RBFOX1: variants seen among roughly 807,000 people sequenced by gnomAD.
The protein encoded by RBFOX1 is RNA binding fox-1 homolog 1.
RBFOX1 carries 8 observed loss-of-function variants against 57.7 expected under a neutral mutation model. The observed-to-expected ratio is 0.14, with a 90% CI of 0.08 to 0.25. RBFOX1 has a LOEUF of 0.25. RBFOX1 is among the 10% of genes least tolerant of loss of function. The pLI is 1.00. For missense variants in RBFOX1, 611 were observed against 548.5 expected (o/e 1.11, Z -1.14); for synonymous variants, 326 against 222.4 (o/e 1.47, Z -4.15).
chr16:6,413,547 C>A lies in RBFOX1; in HGVS notation c.-64+96490C>A, dbSNP rs1019917812. Among the ~76,000 whole-genome samples, 6 of 152,086 alleles carry A rather than the reference C, an allele frequency of 3.9e-5. No individual in the cohort carries two copies. In the East Asian group the frequency reaches 1.2e-3, roughly 29 times the overall value. ...GCAAATGACTGTTTGCCATATGAAA[C>A]CTGTGCTTTTGAAATGAGGGTTTTT... On this transcript the variant is annotated intron_variant, in intron 2 of 15. Coordinates refer to ENST00000550418, the MANE Select transcript of RBFOX1 (RefSeq NM_018723.4).
intron 4 of RBFOX1, among the ~76,000 whole-genome samples, chr16:6,006,314 A>G (rs1596388336): frequency 6.6e-6 from 1 of 151,676 alleles, no homozygotes; most frequent in South Asian, 2.1e-4. Flanking sequence ...AGCCCCGGGT[A>G]TGTGATCCCA....
chr16:7,313,149 C>T (rs17143433), intron 4 of RBFOX1, among the ~76,000 whole-genome samples: 119,679 of 152,108 alleles, frequency 0.79, 47,202 homozygotes, highest in East Asian at 0.94. Context: ...AACACAAAAG[C>T]GCCTCCTGAA....
intron 3 of RBFOX1, among the ~76,000 whole-genome samples, chr16:6,673,260 A>G (rs1454584411): frequency 6.6e-6 from 1 of 152,000 alleles, no homozygotes; most frequent in African/African-American, 2.4e-5. Flanking sequence ...GGTCCCTCAT[A>G]TCCCTGTACG....
chr16:7,302,060 A>T (rs377081169), intron 4 of RBFOX1, among the ~76,000 whole-genome samples: 1 of 152,276 alleles, frequency 6.6e-6, no homozygotes, highest in Non-Finnish European at 1.5e-5. Context: ...GCACCCCCCA[A>T]TAAAAGCAGT....
intron 1 of RBFOX1, among the ~76,000 whole-genome samples, chr16:6,297,641 G>C (rs2078281044): frequency 6.6e-6 from 1 of 152,096 alleles, no homozygotes; most frequent in African/African-American, 2.4e-5. Context: ...AATAGCAACA[G>C]ACATTCCTGT....
chr16:7,380,280 A>T (rs1395340810), intron 4 of RBFOX1, among the ~76,000 whole-genome samples: 2 of 152,218 alleles, frequency 1.3e-5, no homozygotes, highest in African/African-American at 4.8e-5. Context: ...ATAAAATAAA[A>T]AATGTTTTTT....
Position 7,234,322 on chromosome 16 carries a change from G to A in RBFOX1, c.27+182224G>A, listed in dbSNP as rs565053520. Among the ~76,000 whole-genome samples the A allele has an allele frequency of 2.0e-5, 3 of 152,212 alleles. No homozygotes were observed. The East Asian group carries it at 5.8e-4, about 29-fold the overall frequency. On this transcript the variant is annotated intron_variant, in intron 4 of 15. Coordinates refer to ENST00000550418, the MANE Select transcript of RBFOX1 (RefSeq NM_018723.4). ...TTATCTTCCAGTGGGTTGGTGTTGTGTATAATACAGTGAGTTGAGATGAGG... is the reference window on the plus strand; with the variant it reads ...TTATCTTCCAGTGGGTTGGTGTTGTATATAATACAGTGAGTTGAGATGAGG...
chr16:6,131,405 C>G (rs113407653), intron 1 of RBFOX1, among the ~76,000 whole-genome samples: 1 of 151,750 alleles, frequency 6.6e-6, no homozygotes, highest in South Asian at 2.1e-4. Context: ...GAGACTATGG[C>G]AGAAAAAACC....
intron 1 of RBFOX1, among the ~76,000 whole-genome samples, chr16:6,256,969 A>G (rs1250406277): frequency 6.6e-6 from 1 of 152,190 alleles, no homozygotes; most frequent in African/African-American, 2.4e-5. Context: ...TAAACCTTAC[A>G]CCTGCATTCC....
At chr16:6,075,128 A>G (rs2095880144) in intron 1 of RBFOX1, among the ~76,000 whole-genome samples, 1 of 152,188 alleles carries the variant, frequency 6.6e-6, no homozygotes, top group Non-Finnish European at 1.5e-5. Context: ...TATCACATGC[A>G]GGGAATGAAA....
chr16:7,613,966 C>G (rs1388721750), intron 10 of RBFOX1, among the ~76,000 whole-genome samples: 1 of 152,142 alleles, frequency 6.6e-6, no homozygotes, highest in Non-Finnish European at 1.5e-5. Context: ...ATAAAGCATG[C>G]CCTGTTTGGG....
chr16:7,145,905 C>A (rs1371552037), intron 4 of RBFOX1, among the ~76,000 whole-genome samples: 2 of 152,132 alleles, frequency 1.3e-5, no homozygotes, highest in Non-Finnish European at 2.9e-5. Flanking sequence ...CCCCTCAAGT[C>A]CATGACCCTC....
At chr16:5,340,712 C>G (rs1247243790) in intron 1 of RBFOX1, among the ~76,000 whole-genome samples, 1 of 152,180 alleles carries the variant, frequency 6.6e-6, no homozygotes, top group Non-Finnish European at 1.5e-5. Flanking sequence ...AGCAAGTAAT[C>G]AATTCATTTA....
intron 4 of RBFOX1, among the ~76,000 whole-genome samples, chr16:7,420,729 C>T (rs778587105): frequency 1.2e-4 from 18 of 151,148 alleles, no homozygotes; most frequent in African/African-American, 4.4e-4. Context: ...AAATGTATGA[C>T]TTCAATTACA....
chr16:5,807,903 C>A (rs1567567360), intron 3 of RBFOX1, among the ~76,000 whole-genome samples: 1 of 152,194 alleles, frequency 6.6e-6, no homozygotes, highest in Non-Finnish European at 1.5e-5. Context: ...CTTTCCAGAA[C>A]CACATCCACC....
At chr16:6,571,423 A>C (rs2097343108) in intron 2 of RBFOX1, among the ~76,000 whole-genome samples, 2 of 152,224 alleles carry the variant, frequency 1.3e-5, no homozygotes, top group South Asian at 4.1e-4. Context: ...TCTATGGCAG[A>C]GACCCAGTGC....
intron 4 of RBFOX1, among the ~76,000 whole-genome samples, chr16:7,105,627 C>T (rs879402524): frequency 5.3e-5 from 8 of 152,136 alleles, no homozygotes; most frequent in Middle Eastern, 3.4e-3. Flanking sequence ...CAGGTTGCTG[C>T]GAATGCCATT....
At chr16:5,270,669 G>A (rs1326203325) in intron 1 of RBFOX1, 5 of 535,476 alleles carry the variant, frequency 9.3e-6, no homozygotes, top group Non-Finnish European at 1.7e-5. Flanking sequence ...AAATCCAGAA[G>A]AAGGTGTTGG....
rs535550659 is a variant in RBFOX1, at chr16:5,627,168, T to C, written c.318+28207T>C. Among the ~76,000 whole-genome samples, 12 of 152,332 alleles carry C rather than the reference T, an allele frequency of 7.9e-5. No individual in the cohort carries two copies. In the East Asian group the frequency reaches 2.3e-3, roughly 29 times the overall value. ...AATCCACCATTAGAAATTATTTGGGTAAGTTCAGCTTCATGGCTCTGTAAT... is the reference window on the plus strand; with the variant it reads ...AATCCACCATTAGAAATTATTTGGGCAAGTTCAGCTTCATGGCTCTGTAAT... On this transcript the variant is annotated intron_variant, in intron 3 of 19. Transcript: ENST00000641259.
Sources: gnomAD v4.1 joint callset for allele counts (sites outside exome capture counted in the v4.1 genomes callset) on GRCh38, gnomAD v4.1.1 for gene constraint, MANE v1.5 for transcripts, NCBI Gene and HGNC (gene_info 2026-07-23, HGNC 2026-07-21) for gene names.